CUL3: variants seen among roughly 807,000 people sequenced by gnomAD.
CUL3 encodes cullin 3.
Under a neutral mutation model 89.1 loss-of-function variants are expected in CUL3, and 19 were observed. The ratio of observed to expected loss-of-function variants is 0.21; its 90% confidence interval spans 0.15 to 0.31. The LOEUF (loss-of-function observed/expected upper bound fraction) is 0.31, where lower values mean the gene tolerates loss of function less well. Ranked by LOEUF, CUL3 falls within the 10% of genes least tolerant of loss-of-function variation. The probability of loss-of-function intolerance (pLI) is 1.00; values close to 1 mark genes in which losing one functional copy is unlikely to be tolerated. For synonymous variants in CUL3, 351 were observed against 308.4 expected, an observed-to-expected ratio of 1.14 and a Z score of -1.45; for missense variants, 469 against 942.3, an observed-to-expected ratio of 0.50 and a Z score of 6.58.
chr2:224,546,283 A>T (rs1281254667), intron 2 of CUL3, among the ~76,000 whole-genome samples: 1 of 152,184 alleles, frequency 6.6e-6, no homozygotes, highest in Non-Finnish European at 1.5e-5. Flanking sequence ...GTTCTCGAGT[A>T]CGATGGAAAA....
intron 11 of CUL3, 43 bp from the exon 12 acceptor site, chr2:224,497,892 A>T: frequency 7.0e-7 from 1 of 1,438,578 alleles, no homozygotes; most frequent in Non-Finnish European, 9.8e-7. Flanking sequence ...AAACAAACTT[A>T]CACATTTGAA....
intron 14 of CUL3, chr2:224,479,941 C>A (rs1408872322): frequency 1.3e-5 from 2 of 152,112 alleles, no homozygotes; most frequent in Admixed American, 6.6e-5. Flanking sequence ...GCAGATCGTG[C>A]TGATGAGTCA....
At chr2:224,479,894 A>G (rs1266186734) in intron 14 of CUL3, 1 of 152,190 alleles carries the variant, frequency 6.6e-6, no homozygotes, top group Non-Finnish European at 1.5e-5. Flanking sequence ...CACCTAAATA[A>G]GTGTCTTCTT....
chr2:224,533,456 C>CA (rs534108199), intron 3 of CUL3, among the ~76,000 whole-genome samples: 67 of 141,452 alleles, frequency 4.7e-4, no homozygotes, highest in Middle Eastern at 3.5e-3. Context: ...GATTTTGTTG[C>CA]AAAAAAAAAG....
At chr2:224,567,532 G>A (rs1444274061) in intron 1 of CUL3, among the ~76,000 whole-genome samples, 2 of 152,074 alleles carry the variant, frequency 1.3e-5, no homozygotes, top group Admixed American at 6.6e-5. Context: ...CAAGCCAGGA[G>A]ATCCAGATCA....
intron 2 of CUL3, among the ~76,000 whole-genome samples, chr2:224,552,102 T>C (rs572866278): frequency 6.0e-4 from 92 of 152,350 alleles, no homozygotes; most frequent in Middle Eastern, 6.8e-3. Flanking sequence ...CAAACAGTTT[T>C]GAATGCTGAA....
intron 2 of CUL3, among the ~76,000 whole-genome samples, chr2:224,550,301 T>C (rs1694466764): frequency 6.6e-6 from 1 of 152,202 alleles, no homozygotes; most frequent in Admixed American, 6.5e-5. Context: ...ATTTTAGTAA[T>C]TTTGTCTGTG....
intron 2 of CUL3, among the ~76,000 whole-genome samples, chr2:224,556,803 CAAT>C (rs1694723940): frequency 6.6e-6 from 1 of 151,794 alleles, no homozygotes; most frequent in Non-Finnish European, 1.5e-5. Context: ...AATGGTTCAG[CAAT>C]AATAATATTG....
At chr2:224,497,950 G>C in intron 11 of CUL3, 101 bp from the exon 12 acceptor site, 1 of 868,780 alleles carries the variant, frequency 1.2e-6, no homozygotes, top group Non-Finnish European at 1.9e-6. Flanking sequence ...GTGTGTGTGT[G>C]TGTGTGTATG....
Position 224,478,203 on chromosome 2 carries a change from C to T in CUL3, c.2172G>A (p.Ala724=), listed in dbSNP as rs536959466. The T allele has an allele frequency of 1.7e-5, 28 of 1,611,268 alleles. 1 individual carries two copies. The highest frequency in any genetic ancestry group is 1.2e-4 in the African/African-American group (9 of 74,988). ...CCCAGTAGTGAAGAGTCCTCACCTC[C>T]GCTACTAGAACATTGTGCTGCATCT... is the stretch of plus-strand genomic sequence containing the variant. ...RKKMQHNVLV[A]EVTQQLKARF... Residue 724 remains alanine (A), a synonymous_variant, in exon 15 of 16, where the codon GCG becomes GCA. Coordinates refer to ENST00000264414, the MANE Select transcript of CUL3 (RefSeq NM_003590.5).
intron 3 of CUL3, among the ~76,000 whole-genome samples, chr2:224,523,408 A>G (rs1279959540): frequency 1.3e-5 from 2 of 151,954 alleles, no homozygotes; most frequent in African/African-American, 4.8e-5. Context: ...AACACAAAAC[A>G]CAAAATAACA....
intron 3 of CUL3, among the ~76,000 whole-genome samples, chr2:224,526,606 A>G (rs1179346565): frequency 2.7e-5 from 4 of 150,748 alleles, no homozygotes; most frequent in African/African-American, 7.3e-5. Context: ...AAAAAAAAAA[A>G]AAAAAGAAAA....
intron 14 of CUL3, among the ~76,000 whole-genome samples, chr2:224,481,225 C>A (rs540202539): frequency 6.6e-6 from 1 of 152,016 alleles, no homozygotes; most frequent in East Asian, 1.9e-4. Context: ...TATATTAGTA[C>A]TAGGAAGCCT....
chr2:224,516,613 C>A (rs1334535334), intron 3 of CUL3, among the ~76,000 whole-genome samples: 1 of 150,702 alleles, frequency 6.6e-6, no homozygotes, highest in Non-Finnish European at 1.5e-5. Flanking sequence ...CTGAGCCCAG[C>A]CTCCCTCCTT....
At chr2:224,550,273 G>C (rs1362360455) in intron 2 of CUL3, among the ~76,000 whole-genome samples, 1 of 152,132 alleles carries the variant, frequency 6.6e-6, no homozygotes, top group Non-Finnish European at 1.5e-5. Flanking sequence ...TATACACATA[G>C]CCTGAGGGTA....
chr2:224,488,861 C>G (rs773102756), intron 13 of CUL3, among the ~76,000 whole-genome samples: 3 of 152,166 alleles, frequency 2.0e-5, no homozygotes, highest in Admixed American at 6.5e-5. Flanking sequence ...TGAAAATTCT[C>G]AATAAAATAC....
chr2:224,504,624 A>G (rs1692520854), intron 8 of CUL3, among the ~76,000 whole-genome samples: 1 of 152,210 alleles, frequency 6.6e-6, no homozygotes, highest in African/African-American at 2.4e-5. Flanking sequence ...ACTTTTAAAT[A>G]AGGGCAAAAG....
intron 14 of CUL3, among the ~76,000 whole-genome samples, 183 bp downstream of exon 14, chr2:224,481,709 G>A (rs1345363838): frequency 6.6e-6 from 1 of 152,040 alleles, no homozygotes; most frequent in Non-Finnish European, 1.5e-5. Flanking sequence ...AATGCTTACT[G>A]TACTTGGATT....
chr2:224,580,504 C>T (rs1248625074), intron 1 of CUL3, among the ~76,000 whole-genome samples: 2 of 151,968 alleles, frequency 1.3e-5, no homozygotes, highest in Non-Finnish European at 2.9e-5. Flanking sequence ...GCCAACATGG[C>T]GAAACCCCAT....
Sources: gnomAD v4.1 joint callset for allele counts (sites outside exome capture counted in the v4.1 genomes callset) on GRCh38, gnomAD v4.1.1 for gene constraint, MANE v1.5 for transcripts, NCBI Gene and HGNC (gene_info 2026-07-23, HGNC 2026-07-21) for gene names.